The following CCNY variants were observed in gnomAD, a reference collection of about 807,000 sequenced individuals.
The protein encoded by CCNY is cyclin Y, also known as cyclin-Y.
In CCNY, 19 loss-of-function variants were observed where a neutral mutation model predicts 42.8. The ratio of observed to expected loss-of-function variants is 0.44; its 90% CI spans 0.31 to 0.65. The LOEUF (loss-of-function observed/expected upper bound fraction) is 0.65, where lower values mean the gene tolerates loss of function less well. Among genes scored for constraint, CCNY ranks in the 30% least tolerant of loss-of-function variants. The pLI is 0.07. For synonymous variants in CCNY, 165 were observed against 162.7 expected, an observed-to-expected ratio of 1.01 and a Z score of -0.11; for missense variants, 370 against 437.3, an observed-to-expected ratio of 0.85 and a Z score of 1.37.
intron 3 of CCNY, among the ~76,000 whole-genome samples, chr10:35,270,008 C>T (rs1291384690): frequency 2.0e-5 from 3 of 152,160 alleles, no homozygotes; most frequent in South Asian, 4.1e-4. Context: ...TATGACCTTT[C>T]TTGTAGTTTC....
intron 5 of CCNY, among the ~76,000 whole-genome samples, chr10:35,528,804 T>G (rs1279362469): frequency 6.6e-6 from 1 of 152,208 alleles, no homozygotes; most frequent in Non-Finnish European, 1.5e-5. Flanking sequence ...TCTCTTTTAT[T>G]TTTACACAGA....
chr10:35,549,575 A>C (rs1393732983), intron 7 of CCNY, among the ~76,000 whole-genome samples: 16 of 113,944 alleles, frequency 1.4e-4, no homozygotes, highest in Middle Eastern at 6.2e-3. Flanking sequence ...TGCTCATGAC[A>C]CATGACCCTA....
upstream of CCNY, among the ~76,000 whole-genome samples, chr10:35,332,125 G>A (rs538778810): frequency 6.6e-6 from 1 of 152,328 alleles, no homozygotes; most frequent in African/African-American, 2.4e-5. Context: ...GCCTCATTTG[G>A]AGAGGAGGTC....
intron 1 of CCNY, among the ~76,000 whole-genome samples, chr10:35,367,557 A>G (rs1314644434): frequency 6.6e-6 from 1 of 152,214 alleles, no homozygotes; most frequent in East Asian, 1.9e-4. Flanking sequence ...TAAAACAGAC[A>G]CTTTAAAAGT....
intron 8 of CCNY, 148 bp from the exon 9 acceptor site, chr10:35,565,875 A>G: frequency 1.3e-6 from 1 of 768,474 alleles, no homozygotes; most frequent in Middle Eastern, 2.8e-4. Context: ...TAATCCCAAT[A>G]TGGTGGTCTA....
intron 1 of CCNY, among the ~76,000 whole-genome samples, chr10:35,405,611 G>A (rs963368573): frequency 6.6e-6 from 1 of 152,212 alleles, no homozygotes; most frequent in Non-Finnish European, 1.5e-5. Context: ...ACCCACAACA[G>A]TTATGGAGGC....
intron 1 of CCNY, among the ~76,000 whole-genome samples, chr10:35,416,680 G>A (rs962440875): frequency 1.3e-4 from 20 of 152,128 alleles, no homozygotes; most frequent in South Asian, 2.1e-4. Flanking sequence ...TGATTTATTT[G>A]GTTGTTACTG....
chr10:35,328,722 A>AG (rs9336989), intron 3 of CCNY, among the ~76,000 whole-genome samples: 64,779 of 152,064 alleles, frequency 0.43, 14,811 homozygotes, highest in African/African-American at 0.59. Context: ...AAGAGCTGTC[A>AG]GGCCAGGTTT....
At chr10:35,541,569 T>A (rs548428860) in intron 7 of CCNY, among the ~76,000 whole-genome samples, 18 of 152,278 alleles carry the variant, frequency 1.2e-4, no homozygotes, top group African/African-American at 3.9e-4. Context: ...GCTTAATTTT[T>A]AAAAATATTT....
intron 2 of CCNY, among the ~76,000 whole-genome samples, chr10:35,491,278 C>T (rs776800034): frequency 2.2e-4 from 34 of 152,336 alleles, no homozygotes; most frequent in Non-Finnish European, 4.3e-4. Flanking sequence ...TATAAATTGA[C>T]AATGGACACA....
intron 3 of CCNY, among the ~76,000 whole-genome samples, chr10:35,269,558 A>T (rs1275585132): frequency 7.1e-6 from 1 of 141,504 alleles, no homozygotes. Flanking sequence ...ACCCTCCTCA[A>T]CCTCCCAAAG....
intron 1 of CCNY, among the ~76,000 whole-genome samples, chr10:35,465,346 C>T (rs1262196578): frequency 1.3e-5 from 2 of 152,030 alleles, no homozygotes; most frequent in East Asian, 1.9e-4. Flanking sequence ...TTGCTCTGAT[C>T]GTCCTAGGAC....
chr10:35,476,016 C>A (rs905760632), intron 1 of CCNY, among the ~76,000 whole-genome samples: 4 of 152,090 alleles, frequency 2.6e-5, no homozygotes, highest in African/African-American at 9.7e-5. Flanking sequence ...AGACTTTAAA[C>A]CAACAAAGAT....
In CCNY at chr10:35,413,719, G is replaced by A. The variant is rs76920689; in HGVS notation, c.155-69685G>A. On this transcript the variant is annotated intron_variant, in intron 1 of 9. Coordinates refer to ENST00000374704, the MANE Select transcript of CCNY (RefSeq NM_145012.6). ...GAGCGTTCAGCAGGAGAGAGTGGCC[G>A]TCACTAACTGCAGGGCAGGCAAGCT... is the stretch of plus-strand genomic sequence containing the variant. 2.2e-4 allele frequency among the ~76,000 whole-genome samples: 33 copies of A among 152,304 alleles called. No individual in the cohort carries two copies. The East Asian group carries it at 3.1e-3, about 14-fold the overall frequency.
Position 35,291,194 on chromosome 10 carries a change from A to C in CCNY, c.-9+40568A>C, listed in dbSNP as rs1483615719. 2.6e-5 allele frequency among the ~76,000 whole-genome samples: 4 copies of C among 151,986 alleles called. No homozygotes were observed. The East Asian group carries it at 7.8e-4, about 30-fold the overall frequency. On this transcript the variant is annotated intron_variant, in intron 3 of 11. Coordinates refer to the CCNY transcript ENST00000374706. ...CTAATTTTTTGTATTTTTAGTAGAG[A>C]TGGGGTTTCACCATGTTGGCCAGGT...
At chr10:35,513,526 G>A (rs868095789) in intron 3 of CCNY, among the ~76,000 whole-genome samples, 3 of 152,154 alleles carry the variant, frequency 2.0e-5, no homozygotes, top group African/African-American at 7.2e-5. Flanking sequence ...TCTACTTAAC[G>A]ATTACCTGCA....
intron 1 of CCNY, among the ~76,000 whole-genome samples, chr10:35,460,933 T>C (rs1839144814): frequency 6.6e-6 from 1 of 152,152 alleles, no homozygotes. Context: ...GGAACTTGTA[T>C]GTGGAGGTTG....
chr10:35,553,536 T>C (rs1235590320), intron 8 of CCNY, among the ~76,000 whole-genome samples: 11 of 152,190 alleles, frequency 7.2e-5, no homozygotes, highest in Non-Finnish European at 1.3e-4. Flanking sequence ...TGCAGACTGA[T>C]CACAGAGAGG....
intron 1 of CCNY, among the ~76,000 whole-genome samples, chr10:35,420,237 C>T (rs1219273032): frequency 6.6e-6 from 1 of 152,158 alleles, no homozygotes; most frequent in East Asian, 1.9e-4. Flanking sequence ...TATAGTGATA[C>T]TGAATGAATC....
Sources: allele counts gnomAD v4.1 joint callset (sites outside exome capture counted in the v4.1 genomes callset), GRCh38; gene constraint gnomAD v4.1.1; transcripts MANE v1.5; gene names NCBI Gene and HGNC (gene_info 2026-07-23, HGNC 2026-07-21).